Variants in PRKAR1A observed in about 807,000 individuals in gnomAD.
PRKAR1A encodes protein kinase cAMP-dependent type I regulatory subunit alpha.
Under a neutral mutation model 52.0 loss-of-function variants are expected in PRKAR1A, and 3 were observed. That is an observed-to-expected ratio of 0.06 (90% CI 0.03 to 0.15). The LOEUF (loss-of-function observed/expected upper bound fraction) is 0.15, where lower values mean the gene tolerates loss of function less well. PRKAR1A is among the 10% of genes least tolerant of loss of function. The pLI, the probability that PRKAR1A is intolerant of heterozygous loss-of-function variation, is 1.00. For synonymous variants in PRKAR1A, 188 were observed against 168.4 expected (o/e 1.12, Z -0.90); for missense variants, 240 against 477.4 (o/e 0.50, Z 4.63).
At chr17:68,518,134 G>T (rs1377078174) in intron 2 of PRKAR1A, among the ~76,000 whole-genome samples, 3 of 152,236 alleles carry the variant, frequency 2.0e-5, no homozygotes, top group Non-Finnish European at 4.4e-5. Flanking sequence ...CCCCCTCCTG[G>T]CTGCTTCCAT....
downstream of PRKAR1A, chr17:68,537,316 C>G (rs753531570): frequency 4.4e-6 from 4 of 899,976 alleles, 1 homozygote; most frequent in South Asian, 4.2e-5. This position sits in a 1 kb window ranked among gnomAD's most constrained non-coding sequence, Gnocchi z 4.2. Flanking sequence ...AGTAAAGATT[C>G]AGTTCCATGG....
chr17:68,474,297 T>A, the PRKAR1A span, among the ~76,000 whole-genome samples: 1 of 152,054 alleles, frequency 6.6e-6, no homozygotes, highest in African/African-American at 2.4e-5. Flanking sequence ...AGGTAGGGAG[T>A]CAGCTGTCAT....
chr17:68,465,540 C>T, the PRKAR1A span, among the ~76,000 whole-genome samples: 84 of 151,680 alleles, frequency 5.5e-4, no homozygotes, highest in African/African-American at 1.1e-3. Context: ...CTGCAACCTC[C>T]GCCTCCGGGG....
chr17:68,424,301 C>T, the PRKAR1A span: 1 of 412,324 alleles, frequency 2.4e-6, no homozygotes, highest in Non-Finnish European at 4.8e-6. Flanking sequence ...GACCGACCCG[C>T]AGAGCCGATG....
chr17:68,502,819 T>C, the PRKAR1A span, among the ~76,000 whole-genome samples: 1 of 151,272 alleles, frequency 6.6e-6, no homozygotes, highest in South Asian at 2.1e-4. Context: ...TTGAGTAAAT[T>C]CTTAGCTAAG....
At chr17:68,432,814 G>A in the PRKAR1A span, among the ~76,000 whole-genome samples, 65 of 152,252 alleles carry the variant, frequency 4.3e-4, 1 homozygote, top group African/African-American at 1.4e-3. Context: ...GCCCCCCACC[G>A]TGGGGTATGA....
the PRKAR1A span, among the ~76,000 whole-genome samples, chr17:68,465,618 C>T: frequency 3.9e-5 from 3 of 77,518 alleles, no homozygotes; most frequent in Non-Finnish European, 9.6e-5. Context: ...CGCGACCACG[C>T]CCAGCAATTT....
At chr17:68,428,903 T>G in the PRKAR1A span, 2 of 1,614,160 alleles carry the variant, frequency 1.2e-6, no homozygotes, top group Non-Finnish European at 1.7e-6. Flanking sequence ...GTCCACTGGA[T>G]GACGCAACTA....
At chr17:68,515,669 A>G in intron 2 of PRKAR1A, 93 bp downstream of exon 2, 1 of 1,406,884 alleles carries the variant, frequency 7.1e-7, no homozygotes, top group Non-Finnish European at 9.8e-7. Context: ...TTGGAAGAAA[A>G]GGAATCTGAC....
chr17:68,427,003 T>G, the PRKAR1A span: 2 of 715,100 alleles, frequency 2.8e-6, no homozygotes, highest in Non-Finnish European at 4.7e-6. Context: ...CAGGTAACAG[T>G]GAAGGGGGAA....
the PRKAR1A span, among the ~76,000 whole-genome samples, chr17:68,486,506 C>CTTCCTTCCTTCCCTCTTTCTTTCTTTCT: frequency 2.1e-5 from 1 of 48,200 alleles, no homozygotes; most frequent in Non-Finnish European, 4.1e-5. Flanking sequence ...TCCTTCCTTC[C>CTTCCTTCCTTCCCTCTTTCTTTCTTTCT]TTCTTTCTTT....
intron 11 of PRKAR1A, among the ~76,000 whole-genome samples, chr17:68,542,327 G>A (rs977152062): frequency 1.3e-5 from 2 of 152,184 alleles, no homozygotes; most frequent in South Asian, 2.1e-4. Flanking sequence ...AAGTGAGGGT[G>A]TGAATGCTAC....
At chr17:68,495,384 T>C in the PRKAR1A span, among the ~76,000 whole-genome samples, 3 of 152,130 alleles carry the variant, frequency 2.0e-5, no homozygotes, top group Admixed American at 6.5e-5. Flanking sequence ...CTTGGTGCCA[T>C]TGTCTATACC....
chr17:68,524,481 A>T (rs933676531), intron 5 of PRKAR1A, among the ~76,000 whole-genome samples: 1 of 152,176 alleles, frequency 6.6e-6, no homozygotes, highest in Middle Eastern at 3.4e-3. Flanking sequence ...ATAGATTCTT[A>T]CTTTGCCTAT....
chr17:68,528,015 G>A, intron 8 of PRKAR1A, 115 bp downstream of exon 8: 1 of 912,632 alleles, frequency 1.1e-6, no homozygotes, highest in Non-Finnish European at 1.8e-6. Context: ...CCCCTGAAAA[G>A]ACAGAAGGGC....
At chr17:68,493,145 G>T in the PRKAR1A span, among the ~76,000 whole-genome samples, 2 of 151,462 alleles carry the variant, frequency 1.3e-5, no homozygotes, top group Non-Finnish European at 1.5e-5. Context: ...GGTGGGGGTT[G>T]TGGGGAGGGA....
the PRKAR1A span, among the ~76,000 whole-genome samples, chr17:68,443,227 C>T: frequency 6.6e-6 from 1 of 152,158 alleles, no homozygotes; most frequent in Non-Finnish European, 1.5e-5. Context: ...TTTCCTGTCT[C>T]AACCTCCCAA....
chr17:68,519,446 C>G (rs1320358382), intron 2 of PRKAR1A, among the ~76,000 whole-genome samples: 1 of 152,198 alleles, frequency 6.6e-6, no homozygotes, highest in Non-Finnish European at 1.5e-5. Context: ...GTCATGAGAG[C>G]TCACTATCAC....
chr17:68,507,794 A>G (rs1325669538), upstream of PRKAR1A, among the ~76,000 whole-genome samples: 3 of 152,178 alleles, frequency 2.0e-5, no homozygotes, highest in African/African-American at 7.2e-5. Context: ...TTGTTTAAAA[A>G]CAGCTTAGGC....
Sources: allele counts gnomAD v4.1 joint callset (sites outside exome capture counted in the v4.1 genomes callset), GRCh38; gene constraint gnomAD v4.1.1; non-coding constraint Gnocchi (gnomAD v3.1); transcripts MANE v1.5; gene names NCBI Gene and HGNC (gene_info 2026-07-23, HGNC 2026-07-21).